Variants in ARHGAP18 observed in about 807,000 individuals in gnomAD.
The protein encoded by ARHGAP18 is rho GTPase-activating protein 18.
A neutral mutation model predicts 86.2 loss-of-function variants in ARHGAP18; 67 were observed. That is an observed-to-expected ratio of 0.78 (90% confidence interval 0.64 to 0.95). The LOEUF (loss-of-function observed/expected upper bound fraction) is 0.95. Among genes scored for constraint, ARHGAP18 ranks in the 40% least tolerant of loss-of-function variants. The probability of loss-of-function intolerance (pLI) is 0.00; values close to 1 mark genes in which losing one functional copy is unlikely to be tolerated. For missense variants in ARHGAP18, 691 were observed against 780.4 expected (o/e 0.89, Z 1.37); for synonymous variants, 283 against 280.4 (o/e 1.01, Z -0.09).
chr6:129,611,466 T>C, intron 8 of ARHGAP18, 67 bp downstream of exon 8: 1 of 1,392,750 alleles, frequency 7.2e-7, no homozygotes, highest in Non-Finnish European at 1.0e-6. Context: ...GAGGACAAGT[T>C]AGCTTTTAAA....
chr6:129,599,674 T>C (rs1329589051), intron 11 of ARHGAP18, among the ~76,000 whole-genome samples: 2 of 152,128 alleles, frequency 1.3e-5, no homozygotes, highest in Non-Finnish European at 2.9e-5. Context: ...TGACGAGCAG[T>C]AGAAGCCACC....
At chr6:129,675,567 C>A (rs554639834) in intron 1 of ARHGAP18, among the ~76,000 whole-genome samples, 1 of 152,074 alleles carries the variant, frequency 6.6e-6, no homozygotes, top group African/African-American at 2.4e-5. Context: ...GCATTTACCA[C>A]AGACATCTAA....
intron 12 of ARHGAP18, among the ~76,000 whole-genome samples, chr6:129,588,866 C>G (rs978439057): frequency 1.3e-5 from 2 of 152,256 alleles, no homozygotes; most frequent in African/African-American, 4.8e-5. Flanking sequence ...TGTGTACCTA[C>G]AGACTAAACA....
intron 5 of ARHGAP18, among the ~76,000 whole-genome samples, chr6:129,626,063 T>TACACAC (rs1220136567): frequency 0.017 from 471 of 28,344 alleles, 4 homozygotes; most frequent in Middle Eastern, 0.08. Context: ...TATATACACA[T>TACACAC]ATACACACAC....
At chr6:129,660,780 C>T (rs1773934177) in intron 1 of ARHGAP18, among the ~76,000 whole-genome samples, 1 of 152,016 alleles carries the variant, frequency 6.6e-6, no homozygotes, top group Non-Finnish European at 1.5e-5. Flanking sequence ...GAGTTACTGG[C>T]TGGAGATAAT....
At chr6:129,648,854 T>G (rs925808820) in intron 1 of ARHGAP18, among the ~76,000 whole-genome samples, 1 of 152,204 alleles carries the variant, frequency 6.6e-6, no homozygotes, top group African/African-American at 2.4e-5. Flanking sequence ...TGTAATGGCC[T>G]TGTCCATCAG....
At chr6:129,667,420 C>A (rs1454534880) in intron 1 of ARHGAP18, among the ~76,000 whole-genome samples, 2 of 149,238 alleles carry the variant, frequency 1.3e-5, no homozygotes, top group African/African-American at 2.5e-5. Context: ...TAATCAAAAT[C>A]TATAATGAGT....
rs569648148 is a variant in ARHGAP18 at position 129,627,888 on chromosome 6, T to C, written c.786+1465A>G. ...AGCATTTTTGGTACAATAATGGTTATATGGTTAGGAGTTTTAAAATCCCCT... is the reference window on the plus strand; with the variant it reads ...AGCATTTTTGGTACAATAATGGTTACATGGTTAGGAGTTTTAAAATCCCCT... On this transcript the variant is annotated intron_variant, in intron 5 of 14. Transcript: ENST00000368149. Among the ~76,000 whole-genome samples, 44 of 152,270 alleles carry C rather than the reference T, an allele frequency of 2.9e-4. 1 individual carries two copies. Among genetic ancestry groups the C allele is most frequent in the South Asian group, 2.7e-3 (13 of 4,832 alleles).
intron 1 of ARHGAP18, among the ~76,000 whole-genome samples, chr6:129,709,339 G>T (rs1205402594): frequency 6.6e-6 from 1 of 152,110 alleles, no homozygotes; most frequent in African/African-American, 2.4e-5. Context: ...AGGGAGAAAG[G>T]TACCCTTTGC....
intron 10 of ARHGAP18, among the ~76,000 whole-genome samples, chr6:129,604,272 A>C (rs1226072230): frequency 6.6e-6 from 1 of 151,916 alleles, no homozygotes; most frequent in Non-Finnish European, 1.5e-5. Flanking sequence ...CTATCCTATA[A>C]TTTTAAAACT....
chr6:129,616,180 C>G (rs2114467401), intron 7 of ARHGAP18, 32 bp downstream of exon 7: 1 of 1,504,666 alleles, frequency 6.6e-7, no homozygotes, highest in South Asian at 1.3e-5. Context: ...TAAGTATGTT[C>G]TCTCTATGCT....
intron 5 of ARHGAP18, among the ~76,000 whole-genome samples, chr6:129,623,872 T>C (rs1482938609): frequency 6.6e-6 from 1 of 152,196 alleles, no homozygotes; most frequent in Non-Finnish European, 1.5e-5. Context: ...TGATCTAATA[T>C]AAGTTCACGA....
chr6:129,613,188 G>A (rs545795200), intron 7 of ARHGAP18, among the ~76,000 whole-genome samples: 8 of 144,778 alleles, frequency 5.5e-5, no homozygotes, highest in Non-Finnish European at 8.9e-5. Context: ...AGCCAAGATC[G>A]CAACAGTGCA....
chr6:129,625,692 T>TTA (rs1241566843), intron 5 of ARHGAP18, among the ~76,000 whole-genome samples: 2 of 44,242 alleles, frequency 4.5e-5, no homozygotes, highest in East Asian at 1.5e-3. Context: ...TATTTATATA[T>TTA]TATATATTTA....
intron 1 of ARHGAP18, among the ~76,000 whole-genome samples, chr6:129,705,177 A>G (rs1186702419): frequency 6.6e-6 from 1 of 152,174 alleles, no homozygotes; most frequent in African/African-American, 2.4e-5. Flanking sequence ...TGCCTGACAC[A>G]CAGTAAGAGA....
At chr6:129,672,617 T>A (rs953978947) in intron 1 of ARHGAP18, among the ~76,000 whole-genome samples, 2 of 152,198 alleles carry the variant, frequency 1.3e-5, no homozygotes, top group African/African-American at 4.8e-5. Context: ...TGTTTAAACA[T>A]TTTTTTCCAA....
intron 1 of ARHGAP18, among the ~76,000 whole-genome samples, chr6:129,642,805 A>T (rs779905718): frequency 1.1e-4 from 17 of 152,172 alleles, no homozygotes; most frequent in Non-Finnish European, 1.3e-4. Flanking sequence ...TCAAAATATA[A>T]ATAGGATGAT....
chr6:129,662,262 A>G (rs913896328), intron 1 of ARHGAP18, among the ~76,000 whole-genome samples: 1 of 152,278 alleles, frequency 6.6e-6, no homozygotes, highest in African/African-American at 2.4e-5. Context: ...ATGAAAGTAC[A>G]GCAGACAAGG....
chr6:129,670,925 T>C (rs1774131425), intron 1 of ARHGAP18, among the ~76,000 whole-genome samples: 1 of 152,158 alleles, frequency 6.6e-6, no homozygotes, highest in African/African-American at 2.4e-5. Flanking sequence ...CCCAATCTGA[T>C]GTCAGTTTTT....
Sources: gnomAD v4.1 joint callset for allele counts (sites outside exome capture counted in the v4.1 genomes callset) on GRCh38, gnomAD v4.1.1 for gene constraint, MANE v1.5 for transcripts, NCBI Gene and HGNC (gene_info 2026-07-23, HGNC 2026-07-21) for gene names.